Variants in EDA observed in about 807,000 individuals in gnomAD.
EDA encodes the protein ectodysplasin A.
Under a neutral mutation model 23.6 loss-of-function variants are expected in EDA, and 2 were observed. The ratio of observed to expected loss-of-function variants is 0.08; its 90% CI spans 0.03 to 0.27. The LOEUF (loss-of-function observed/expected upper bound fraction) is 0.27. Among genes scored for constraint, EDA ranks in the 10% least tolerant of loss-of-function variants. The pLI is 1.00. For missense variants in EDA, 229 were observed against 324.2 expected (o/e 0.71, Z 2.26); for synonymous variants, 131 against 132.0 (o/e 0.99, Z 0.05).
intron 1 of EDA, among the ~76,000 whole-genome samples, chrX:69,888,978 T>TTATATATATATATATATATATATATA (rs935436674): frequency 1.9e-4 from 3 of 16,013 alleles, no homozygotes; most frequent in African/African-American, 2.3e-4. Flanking sequence ...TGTGGGGTAG[T>TTATATATATATATATATATATATATA]TATATATATA....
At chrX:69,649,746 C>G (rs1933043408) in intron 1 of EDA, among the ~76,000 whole-genome samples, 1 of 110,594 alleles carries the variant, frequency 9.0e-6, no homozygotes, top group African/African-American at 3.3e-5. Context: ...CCCACCAAGG[C>G]TGGCCACTTT....
At chrX:69,866,506 T>C (rs1286577741) in intron 1 of EDA, among the ~76,000 whole-genome samples, 3 of 111,337 alleles carry the variant, frequency 2.7e-5, no homozygotes, top group Non-Finnish European at 5.7e-5. Flanking sequence ...GAACGTAATG[T>C]TGCGGGAACA....
rs181852394 is a variant in EDA, at chrX:69,917,328, T to A, written c.397-39699T>A. Among the ~76,000 whole-genome samples, 4 of 112,170 alleles carry A rather than the reference T, an allele frequency of 3.6e-5. No individual in the cohort carries two copies. In the Admixed American group the frequency reaches 3.8e-4, roughly 11 times the overall value. Reference sequence around the variant, plus strand: ...TCATCCATTGGTTTCCCATTGACCATATTCTTATTTACTTCCTCAAAAACT... The same window carrying A: ...TCATCCATTGGTTTCCCATTGACCAAATTCTTATTTACTTCCTCAAAAACT... On this transcript the variant is annotated intron_variant, in intron 1 of 7. Transcript: ENST00000374552.
chrX:69,821,129 C>T lies in EDA; in HGVS notation c.397-135898C>T, dbSNP rs759114454. 2.4e-4 allele frequency among the ~76,000 whole-genome samples: 26 copies of T among 109,517 alleles called. No individual in the cohort carries two copies. The East Asian group carries it at 6.1e-3, about 26-fold the overall frequency. On this transcript the variant is annotated intron_variant, in intron 1 of 7. Coordinates refer to ENST00000374552, the MANE Select transcript of EDA (RefSeq NM_001399.5). The stretch of plus-strand genomic sequence containing the variant: ...GAAGCCATTATCCTCAGCAAACTAA[C>T]ACAGGAACAGAAAATAAACATTCTT...
chrX:69,979,364 C>T (rs1340478521), intron 2 of EDA, among the ~76,000 whole-genome samples: 2 of 111,972 alleles, frequency 1.8e-5, no homozygotes, highest in African/African-American at 3.2e-5. Context: ...CATTCATTTA[C>T]AAGATTTTTA....
chrX:69,997,942 C>T (rs893200008), intron 2 of EDA, among the ~76,000 whole-genome samples: 4 of 112,364 alleles, frequency 3.6e-5, no homozygotes, highest in African/African-American at 1.3e-4. Context: ...TGCCTGGATT[C>T]CCAGGCAGAA....
chrX:69,781,686 G>T (rs2804361), intron 1 of EDA, among the ~76,000 whole-genome samples: 41,666 of 109,798 alleles, frequency 0.38, 7,122 homozygotes, highest in Middle Eastern at 0.64. Context: ...ATGACTTTCC[G>T]AAGTGGCCTC....
At chrX:69,964,513 T>C (rs940755261) in intron 2 of EDA, among the ~76,000 whole-genome samples, 35 of 112,010 alleles carry the variant, frequency 3.1e-4, no homozygotes, top group African/African-American at 1.1e-3. Context: ...ACTTCTATAA[T>C]ATAATGATAA....
intron 1 of EDA, among the ~76,000 whole-genome samples, chrX:69,922,251 A>G (rs764148381): frequency 2.7e-5 from 3 of 112,403 alleles, no homozygotes; most frequent in Non-Finnish European, 3.8e-5. Flanking sequence ...ATTATGAGTA[A>G]GGCTGCTATA....
intron 1 of EDA, among the ~76,000 whole-genome samples, chrX:69,701,419 G>GGAGGT (rs1442155094): frequency 8.9e-6 from 1 of 112,218 alleles, no homozygotes; most frequent in African/African-American, 3.2e-5. Flanking sequence ...GGTGCCAGGT[G>GGAGGT]GAGGTGGATT....
At chrX:69,969,156 C>T (rs1038576576) in intron 2 of EDA, among the ~76,000 whole-genome samples, 3 of 112,232 alleles carry the variant, frequency 2.7e-5, no homozygotes, top group East Asian at 5.6e-4. Flanking sequence ...CACAACAAGT[C>T]GTGGGCCTGG....
At chrX:69,638,466 A>G (rs890462298) in intron 1 of EDA, among the ~76,000 whole-genome samples, 1 of 112,163 alleles carries the variant, frequency 8.9e-6, no homozygotes, top group East Asian at 2.8e-4. Flanking sequence ...CCATTTTCCC[A>G]TTTGTAGTAA....
intron 1 of EDA, among the ~76,000 whole-genome samples, chrX:69,665,732 TATA>T (rs777286423): frequency 1.8e-5 from 2 of 111,699 alleles, no homozygotes; most frequent in East Asian, 5.6e-4. Context: ...AATTATATAA[TATA>T]ATCAGGAAGT....
intron 1 of EDA, among the ~76,000 whole-genome samples, chrX:69,933,042 G>A (rs745408904): frequency 1.8e-5 from 2 of 110,099 alleles, no homozygotes; most frequent in South Asian, 7.8e-4. Context: ...GTAAAAAGAG[G>A]CCATTAGTTC....
intron 1 of EDA, among the ~76,000 whole-genome samples, chrX:69,664,483 C>T (rs1230372830): frequency 3.6e-5 from 4 of 111,905 alleles, no homozygotes; most frequent in African/African-American, 1.3e-4. Context: ...GTCAATTAAA[C>T]CCTTTTCCTT....
intron 1 of EDA, among the ~76,000 whole-genome samples, chrX:69,682,043 C>T (rs1216817037): frequency 9.0e-6 from 1 of 111,115 alleles, no homozygotes; most frequent in African/African-American, 3.3e-5. Flanking sequence ...TTCTAACAGA[C>T]AGGACCCTCA....
chrX:69,679,305 C>T (rs1325944915), intron 1 of EDA, among the ~76,000 whole-genome samples: 3 of 103,908 alleles, frequency 2.9e-5, no homozygotes, highest in Non-Finnish European at 3.9e-5. Flanking sequence ...TGTCTCTGCC[C>T]GGCTTTTGTA....
chrX:69,672,209 G>C (rs1461577212), intron 1 of EDA, among the ~76,000 whole-genome samples: 1 of 111,169 alleles, frequency 9.0e-6, no homozygotes, highest in Non-Finnish European at 1.9e-5. Context: ...TTGTGGGGGG[G>C]ACTTAGGTCA....
chrX:69,817,346 C>T (rs994274897), intron 1 of EDA, among the ~76,000 whole-genome samples: 3 of 111,490 alleles, frequency 2.7e-5, no homozygotes, highest in African/African-American at 9.8e-5. Context: ...ATCATAATGA[C>T]AGGATTAAAC....
Sources: allele counts gnomAD v4.1 joint callset (sites outside exome capture counted in the v4.1 genomes callset), GRCh38; gene constraint gnomAD v4.1.1; transcripts MANE v1.5; gene names NCBI Gene and HGNC (gene_info 2026-07-23, HGNC 2026-07-21).